The following F5 variants were observed in gnomAD, a reference collection of about 807,000 sequenced individuals.
The protein encoded by F5 is activated protein c cofactor.
Under a neutral mutation model 216.4 loss-of-function variants are expected in F5, and 138 were observed. That is an observed-to-expected ratio of 0.64 (90% CI 0.56 to 0.73). F5 has a LOEUF of 0.73. Among genes scored for constraint, F5 ranks in the 30% least tolerant of loss-of-function variants. The pLI is 0.00. For missense variants in F5, 2,403 were observed against 2,674.0 expected (o/e 0.90, Z 2.24); for synonymous variants, 916 against 930.7 (o/e 0.98, Z 0.29).
chr1:169,556,141 C>G (rs919904649), intron 6 of F5, among the ~76,000 whole-genome samples: 2 of 152,074 alleles, frequency 1.3e-5, no homozygotes, highest in Admixed American at 6.6e-5. Context: ...GGAGCTCACC[C>G]CTCAGTATAT....
rs1661013801 is a variant in F5 at position 169,582,536 on chromosome 1, A to G, written c.159-14T>C. On this transcript the variant is annotated splice_polypyrimidine_tract_variant and intron_variant, in intron 1 of 24. Transcript: ENST00000367797. The stretch of plus-strand genomic sequence containing the variant: ...GAAAGATTCAAACTGGAAATAAAAT[A>G]CAAAAACTAATTTGAAAGGCATATT... 7.0e-7 allele frequency: 1 copy of G among 1,421,736 alleles called. No individual in the cohort carries two copies. The highest frequency in any genetic ancestry group is 9.9e-7 in the Non-Finnish European group (1 of 1,011,070). The allele number at this position is 1,421,736 out of a possible 1,614,324, so 88.1% of individuals were successfully genotyped here. A position where few individuals can be genotyped will look rare whatever the true frequency, so the allele number is the denominator to read the frequency against.
chr1:169,566,987 G>T (rs1480625395), intron 3 of F5, among the ~76,000 whole-genome samples: 1 of 151,986 alleles, frequency 6.6e-6, no homozygotes, highest in African/African-American at 2.4e-5. Context: ...AGTTTGGGTT[G>T]CTGTTAACAA....
At chr1:169,550,356 A>G (rs1028296258) in intron 9 of F5, among the ~76,000 whole-genome samples, 7 of 137,832 alleles carry the variant, frequency 5.1e-5, no homozygotes, top group African/African-American at 1.9e-4. Context: ...CTCATTGTTC[A>G]ATTGAATTCT....
At chr1:169,544,264 C>T in intron 12 of F5, 32 bp downstream of exon 12, 1 of 1,595,658 alleles carries the variant, frequency 6.3e-7, no homozygotes, top group Non-Finnish European at 8.6e-7. Context: ...TCAAAGCAAG[C>T]TTCCTCTGTG....
At chr1:169,521,350 C>A (rs985453209) in intron 21 of F5, among the ~76,000 whole-genome samples, 1 of 152,158 alleles carries the variant, frequency 6.6e-6, no homozygotes, top group African/African-American at 2.4e-5. Context: ...CCTGCCCCTG[C>A]AGTATCAGTG....
chr1:169,579,139 C>CT (rs1448809018), intron 2 of F5, among the ~76,000 whole-genome samples: 1 of 151,806 alleles, frequency 6.6e-6, no homozygotes, highest in Non-Finnish European at 1.5e-5. Flanking sequence ...GTTTCCTCGC[C>CT]TTCCATTCAC....
intron 13 of F5, among the ~76,000 whole-genome samples, chr1:169,538,177 T>C (rs1169783094): frequency 6.6e-6 from 1 of 152,174 alleles, no homozygotes; most frequent in East Asian, 1.9e-4. Flanking sequence ...AAATGCCATT[T>C]GTGACAACAT....
intron 22 of F5, among the ~76,000 whole-genome samples, chr1:169,518,799 G>A (rs1210852613): frequency 2.0e-5 from 3 of 152,036 alleles, no homozygotes; most frequent in Non-Finnish European, 2.9e-5. Context: ...ACTTGTCTAA[G>A]GTAACACAGC....
intron 23 of F5, among the ~76,000 whole-genome samples, chr1:169,517,226 A>G (rs1659179766): frequency 6.6e-6 from 1 of 152,134 alleles, no homozygotes; most frequent in Admixed American, 6.6e-5. Context: ...TTCTGCTACC[A>G]AACTAAGCTA....
chr1:169,524,107 C>T (rs1035859011), intron 19 of F5, among the ~76,000 whole-genome samples: 1 of 152,172 alleles, frequency 6.6e-6, no homozygotes, highest in Non-Finnish European at 1.5e-5. Flanking sequence ...TGCCAACCAC[C>T]TCCTATCCCC....
chr1:169,573,139 CTT>C (rs963743969), intron 2 of F5, among the ~76,000 whole-genome samples: 3 of 151,774 alleles, frequency 2.0e-5, no homozygotes, highest in Non-Finnish European at 2.9e-5. Flanking sequence ...GTAGAGATGA[CTT>C]TTCACCATGT....
intron 10 of F5, among the ~76,000 whole-genome samples, chr1:169,546,871 T>C (rs1660017140): frequency 6.6e-6 from 1 of 151,336 alleles, no homozygotes; most frequent in Non-Finnish European, 1.5e-5. Flanking sequence ...GGCTCACGCC[T>C]GTAATACCAG....
intron 2 of F5, among the ~76,000 whole-genome samples, chr1:169,581,634 A>G (rs1238275346): frequency 1.3e-5 from 2 of 152,136 alleles, no homozygotes; most frequent in African/African-American, 4.8e-5. Context: ...CTGATTGGGG[A>G]AAGGGACAGG....
intron 1 of F5, among the ~76,000 whole-genome samples, chr1:169,583,952 G>A (rs957668893): frequency 3.3e-5 from 5 of 152,178 alleles, no homozygotes; most frequent in African/African-American, 9.7e-5. Flanking sequence ...AGGTTAAAGC[G>A]TGGAAGTTGA....
intron 16 of F5, among the ~76,000 whole-genome samples, chr1:169,529,115 G>A (rs1659530583): frequency 6.6e-6 from 1 of 151,976 alleles, no homozygotes; most frequent in South Asian, 2.1e-4. Context: ...CTATTACCTG[G>A]GTACCTAGTT....
At chr1:169,525,010 A>G (rs1280933792) in intron 18 of F5, 102 bp from the exon 19 acceptor site, 2 of 935,182 alleles carry the variant, frequency 2.1e-6, no homozygotes, top group Non-Finnish European at 3.3e-6. Flanking sequence ...CAATAATTAG[A>G]TATTTTTACC....
intron 1 of F5, among the ~76,000 whole-genome samples, chr1:169,584,212 T>TA (rs1158406081): frequency 5.9e-5 from 9 of 152,234 alleles, no homozygotes; most frequent in African/African-American, 2.2e-4. Flanking sequence ...GTTTTTACTA[T>TA]GTATGCTGTG....
intron 14 of F5, among the ~76,000 whole-genome samples, chr1:169,531,795 T>C (rs564065819): frequency 1.1e-4 from 16 of 152,234 alleles, no homozygotes; most frequent in Admixed American, 4.6e-4. Flanking sequence ...CCAGCCCTTC[T>C]ATAACTTCTA....
At chr1:169,554,960 T>A (rs939215038) in intron 7 of F5, among the ~76,000 whole-genome samples, 1 of 152,214 alleles carries the variant, frequency 6.6e-6, no homozygotes, top group Non-Finnish European at 1.5e-5. Flanking sequence ...ATGGCAAACA[T>A]TCAACAAAAG....
Sources: allele counts gnomAD v4.1 joint callset (sites outside exome capture counted in the v4.1 genomes callset), GRCh38; gene constraint gnomAD v4.1.1; transcripts MANE v1.5; gene names NCBI Gene and HGNC (gene_info 2026-07-23, HGNC 2026-07-21).